Variants in FSTL1 observed in about 807,000 individuals in gnomAD.
FSTL1 encodes the protein follistatin-related protein 1.
In FSTL1, 24 loss-of-function variants were observed where a neutral mutation model predicts 45.9. The observed-to-expected ratio is 0.52, with a 90% CI of 0.38 to 0.74. The LOEUF (loss-of-function observed/expected upper bound fraction) is 0.74, where lower values mean the gene tolerates loss of function less well. Among genes scored for constraint, FSTL1 ranks in the 30% least tolerant of loss-of-function variants. FSTL1 has a pLI of 0.00. For synonymous variants in FSTL1, 120 were observed against 137.6 expected (o/e 0.87, Z 0.89); for missense variants, 340 against 381.8 (o/e 0.89, Z 0.91).
chr3:120,404,473 A>T (rs1936907833), intron 7 of FSTL1, among the ~76,000 whole-genome samples: 1 of 152,254 alleles, frequency 6.6e-6, no homozygotes, highest in Non-Finnish European at 1.5e-5. Flanking sequence ...TAATTATCTA[A>T]AAATCAGAAC....
At chr3:120,425,393 G>C (rs992478058) in intron 2 of FSTL1, among the ~76,000 whole-genome samples, 1 of 151,778 alleles carries the variant, frequency 6.6e-6, no homozygotes, top group Non-Finnish European at 1.5e-5. Context: ...TTAAACTTCT[G>C]CTGAAACCTG....
chr3:120,450,437 C>T (rs1014525379), intron 2 of FSTL1, among the ~76,000 whole-genome samples: 19 of 152,198 alleles, frequency 1.2e-4, no homozygotes, highest in Non-Finnish European at 1.8e-4. Context: ...CCCTCTCCTC[C>T]TCCCCGCTCT....
chr3:120,448,630 C>T (rs1475923877), intron 2 of FSTL1, among the ~76,000 whole-genome samples: 2 of 152,228 alleles, frequency 1.3e-5, no homozygotes, highest in Non-Finnish European at 2.9e-5. Context: ...TTCACAGCCT[C>T]TTTTCTCCCC....
At chr3:120,419,990 G>T (rs551277742) in intron 2 of FSTL1, among the ~76,000 whole-genome samples, 1 of 152,130 alleles carries the variant, frequency 6.6e-6, no homozygotes, top group African/African-American at 2.4e-5. Flanking sequence ...GCTCTGTGAC[G>T]CATGGAGGCC....
chr3:120,439,035 T>G (rs1293817720), intron 2 of FSTL1, among the ~76,000 whole-genome samples: 5 of 152,140 alleles, frequency 3.3e-5, no homozygotes, highest in Non-Finnish European at 1.5e-5. Flanking sequence ...AAGTAAGAGC[T>G]ACAGAACCAT....
chr3:120,440,973 C>T (rs1937621850), intron 2 of FSTL1, among the ~76,000 whole-genome samples: 1 of 152,232 alleles, frequency 6.6e-6, no homozygotes, highest in Non-Finnish European at 1.5e-5. Flanking sequence ...GCTGCAGACA[C>T]AGCAGCCCCT....
rs113570286 is a variant in FSTL1 at position 120,443,575 on chromosome 3, G to A, written c.63+7109C>T. On this transcript the variant is annotated intron_variant, in intron 2 of 10. Transcript: ENST00000295633. Reference sequence around the variant, plus strand: ...AAAAAGTATAGAAAGACAGAGAGACGTTTTCCTTACATCAATTCAAGCCAA... The same window carrying A: ...AAAAAGTATAGAAAGACAGAGAGACATTTTCCTTACATCAATTCAAGCCAA... Among the ~76,000 whole-genome samples the A allele has an allele frequency of 2.3e-4, 35 of 149,798 alleles. 4 individuals are homozygous for A. The highest frequency in any genetic ancestry group is 2.3e-3 in the East Asian group (12 of 5,190).
intron 2 of FSTL1, among the ~76,000 whole-genome samples, chr3:120,426,111 T>C (rs1307933048): frequency 6.6e-6 from 1 of 152,036 alleles, no homozygotes; most frequent in African/African-American, 2.4e-5. Context: ...GCATTCATGC[T>C]CTAATTATTT....
chr3:120,428,076 C>G (rs1477875983), intron 2 of FSTL1, among the ~76,000 whole-genome samples: 2 of 152,188 alleles, frequency 1.3e-5, no homozygotes, highest in Non-Finnish European at 2.9e-5. Flanking sequence ...TAGAGGGAGA[C>G]AGGCTGGCCA....
In FSTL1 at chr3:120,392,795, C is replaced by T. The variant is rs979558937; in HGVS notation, c.*4157G>A. 36 of 152,286 alleles carry T rather than the reference C, an allele frequency of 2.4e-4. No individual in the cohort carries two copies. The highest frequency in any genetic ancestry group is 8.2e-4 in the African/African-American group (34 of 41,552). 9.4% of individuals were successfully genotyped at this position (152,286 alleles called of 1,614,324 possible). ...GGGCTCTGAAGGCATCTGCTTAGAT[C>T]TATCTATGCATTCATATTTTTTCCC... On this transcript the variant is annotated 3_prime_UTR_variant, in exon 11 of 11. Coordinates refer to ENST00000295633, the MANE Select transcript of FSTL1 (RefSeq NM_007085.5).
chr3:120,412,252 A>G (rs537370191), intron 3 of FSTL1, among the ~76,000 whole-genome samples: 1 of 152,302 alleles, frequency 6.6e-6, no homozygotes, highest in Admixed American at 6.5e-5. Flanking sequence ...TATAGTTTCA[A>G]TGTTTGTGAT....
chr3:120,437,967 T>C (rs191771023), intron 2 of FSTL1, among the ~76,000 whole-genome samples: 1 of 152,196 alleles, frequency 6.6e-6, no homozygotes, highest in Non-Finnish European at 1.5e-5. Context: ...TGACCAGAGA[T>C]CAGGGCCAGG....
rs554646593 is a variant in FSTL1 at position 120,395,663 on chromosome 3, A to G, written c.*1289T>C. On this transcript the variant is annotated 3_prime_UTR_variant, in exon 11 of 11. Coordinates refer to ENST00000295633, the MANE Select transcript of FSTL1 (RefSeq NM_007085.5). ...TCTGACATTTCTTGTTCTAGTAACAAGATTTCATTTATTCTATAGAGAAGA... is the reference window on the plus strand; with the variant it reads ...TCTGACATTTCTTGTTCTAGTAACAGGATTTCATTTATTCTATAGAGAAGA... The G allele has an allele frequency of 1.9e-6, 1 of 534,514 alleles. No homozygotes were observed. Among genetic ancestry groups the G allele is most frequent in the South Asian group, 1.4e-5 (1 of 71,516 alleles). 33.1% of individuals were successfully genotyped at this position (534,514 alleles called of 1,614,324 possible). A position where few individuals can be genotyped will look rare whatever the true frequency, so the allele number is the denominator to read the frequency against.
Position 120,450,677 on chromosome 3 carries a change from C to T in FSTL1, c.63+7G>A. The T allele has an allele frequency of 1.3e-6, 2 of 1,562,002 alleles. No individual in the cohort carries two copies. The highest frequency in any genetic ancestry group is 1.7e-6 in the Non-Finnish European group (2 of 1,161,408). On this transcript the variant is annotated splice_region_variant and intron_variant, in intron 2 of 10. Transcript: ENST00000295633. ...ACCGAGTTCGGACTCCTCGGCCCCT[C>T]GCCTACCTCGGCGCGGACCCAGGCG...
At position 120,435,335 on chromosome 3, in the gene FSTL1, G is replaced by A. The variant is rs370767256; in HGVS notation, c.63+15349C>T. Among the ~76,000 whole-genome samples the A allele has an allele frequency of 2.8e-4, 43 of 152,172 alleles. 5 individuals carry two copies. The highest frequency in any genetic ancestry group is 2.5e-3 in the East Asian group (13 of 5,176). On this transcript the variant is annotated intron_variant, in intron 2 of 10. Transcript: ENST00000295633. ...CTTAACAGAAATTCTTCACTCAATT[G>A]CCTCATCTGCATTTGCTTAACCCAC...
intron 2 of FSTL1, among the ~76,000 whole-genome samples, chr3:120,449,037 A>C (rs924770304): frequency 9.2e-5 from 14 of 152,180 alleles, no homozygotes; most frequent in Non-Finnish European, 1.5e-4. Flanking sequence ...GGGGATGGAG[A>C]AATGTTTCTT....
At chr3:120,406,030 A>G (rs1237808662) in intron 6 of FSTL1, among the ~76,000 whole-genome samples, 1 of 152,118 alleles carries the variant, frequency 6.6e-6, no homozygotes, top group African/African-American at 2.4e-5. Flanking sequence ...CCAAATTTCT[A>G]GATAGAAGGG....
chr3:120,403,599 C>A (rs544467242), intron 7 of FSTL1, among the ~76,000 whole-genome samples: 5 of 152,136 alleles, frequency 3.3e-5, no homozygotes, highest in Non-Finnish European at 5.9e-5. Flanking sequence ...ATGTTCCCCC[C>A]CTTAAGATGA....
intron 2 of FSTL1, chr3:120,441,498 A>G (rs1002973981): frequency 6.6e-6 from 1 of 152,258 alleles, no homozygotes; most frequent in African/African-American, 2.4e-5. Context: ...GTTCTGATAT[A>G]AATTCTGGGC....
Sources: allele counts gnomAD v4.1 joint callset (sites outside exome capture counted in the v4.1 genomes callset), GRCh38; gene constraint gnomAD v4.1.1; transcripts MANE v1.5; gene names NCBI Gene and HGNC (gene_info 2026-07-23, HGNC 2026-07-21).